CIITA: variants seen among roughly 807,000 people sequenced by gnomAD.
CIITA encodes class II major histocompatibility complex transactivator.
Under a neutral mutation model 115.1 loss-of-function variants are expected in CIITA, and 72 were observed. The observed-to-expected ratio is 0.63, with a 90% CI of 0.52 to 0.76. CIITA has a LOEUF of 0.76. Ranked by LOEUF, CIITA falls within the 30% of genes least tolerant of loss-of-function variation. CIITA has a pLI of 0.00. For synonymous variants in CIITA, 763 were observed against 635.6 expected (o/e 1.20, Z -3.02); for missense variants, 1,617 against 1,463.8 (o/e 1.10, Z -1.71).
intron 1 of CIITA, among the ~76,000 whole-genome samples, chr16:10,887,110 T>C (rs1469990444): frequency 6.6e-6 from 1 of 152,146 alleles, no homozygotes; most frequent in Non-Finnish European, 1.5e-5. Flanking sequence ...CGGAACTCAT[T>C]TGAGCTACTA....
At chr16:10,876,603 A>T (rs112570741), upstream of CIITA, among the ~76,000 whole-genome samples, 221 of 152,348 alleles carry the variant, frequency 1.5e-3, 3 homozygotes, top group African/African-American at 5.0e-3. Context: ...TATGGGAGTC[A>T]GTATTATTTA....
intron 3 of CIITA, among the ~76,000 whole-genome samples, chr16:10,897,238 A>G (rs2038221869): frequency 6.6e-6 from 1 of 152,204 alleles, no homozygotes; most frequent in East Asian, 1.9e-4. Flanking sequence ...GGGCCTTCTT[A>G]CTGGTGAGGA....
chr16:10,893,498 A>C (rs918219259), intron 1 of CIITA, among the ~76,000 whole-genome samples: 1 of 152,166 alleles, frequency 6.6e-6, no homozygotes. Context: ...CTTTATTGAG[A>C]TGTAATTCAC....
rs369821977 is a variant in CIITA at position 10,920,444 on chromosome 16, G to A, written c.3150-1723G>A. ...GTGTTTTCAGTAGAGACAGGGCTTC[G>A]CCATGTGGCCCAGACTGGTCTTGAA... On this transcript the variant is annotated intron_variant, in intron 16 of 19. Transcript: ENST00000324288. The surrounding 1 kb of genome is among the most constrained non-coding windows in gnomAD (Gnocchi z 4.5). Among the ~76,000 whole-genome samples, 1 of 152,102 alleles carries A rather than the reference G, an allele frequency of 6.6e-6. No individual in the cohort carries two copies. The highest frequency in any genetic ancestry group is 2.1e-4 in the South Asian group (1 of 4,826).
chr16:10,895,710 C>A lies in CIITA; in HGVS notation c.241C>A (p.Leu81Met). 6.2e-7 allele frequency: 1 copy of A among 1,614,146 alleles called. No individual in the cohort carries two copies. The highest frequency in any genetic ancestry group is 1.6e-4 in the Middle Eastern group (1 of 6,062). ...CATCAACTGCGACCAGTTCAGCAGG[C>A]TGTTGTGTGACATGGAAGGTGATGA... ...DTINCDQFSR[L>M]LCDMEGDEET... Residue 81 changes from leucine to methionine, a missense_variant, in exon 3 of 20, where the codon CTG becomes ATG. Physicochemically the swap from Leu to Met is conservative, Grantham distance 15 (BLOSUM62 2). Transcript: ENST00000324288.
intron 8 of CIITA, among the ~76,000 whole-genome samples, 158 bp from the exon 9 acceptor site, chr16:10,903,573 T>C (rs2038933804): frequency 6.6e-6 from 1 of 152,232 alleles, no homozygotes; most frequent in African/African-American, 2.4e-5. Context: ...CAGAGCTCTT[T>C]CTTCAGCTCT....
At chr16:10,916,236 C>T in intron 14 of CIITA, 131 bp from the exon 15 acceptor site, 1 of 806,406 alleles carries the variant, frequency 1.2e-6, no homozygotes, top group Non-Finnish European at 2.1e-6. Context: ...AATGTGCCGG[C>T]TGCCTATGGT....
rs555413000 is a variant in CIITA at position 10,923,164 on chromosome 16, T to C, written c.3318-64T>C. On this transcript the variant is annotated intron_variant, in intron 18 of 19. Transcript: ENST00000324288. The surrounding 1 kb of genome is among the most constrained non-coding windows in gnomAD (Gnocchi z 5.2). ...GGAAGGAGGGATTTGGGGGCAGCTG[T>C]CACTGGGGCCCCAGGCCGCCCTCTC... 1.6e-4 allele frequency: 233 copies of C among 1,421,374 alleles called. 2 individuals carry two copies. In the South Asian group the frequency reaches 2.5e-3, roughly 15 times the overall value. 88.0% of individuals were successfully genotyped at this position (1,421,374 alleles called of 1,614,324 possible).
rs1567397714 is a variant in CIITA at position 10,898,946 on chromosome 16, T to C, written c.380T>C (p.Val127Ala). The C allele has an allele frequency of 6.2e-6, 10 of 1,613,894 alleles. No individual in the cohort carries two copies. The highest frequency in any genetic ancestry group is 8.5e-6 in the Non-Finnish European group (10 of 1,179,954). The change falls in exon 5 of 20, where the codon GTG becomes GCG. Residue 127 changes from valine (V) to alanine (A), a missense_variant. Transcript: ENST00000324288. ...DIFKHIGPDEVIGESMEMPAE... is the reference protein window; with the variant it reads ...DIFKHIGPDEAIGESMEMPAE... Reference sequence around the variant, plus strand: ...GTAGAGCACATAGGACCAGATGAAGTGATCGGTGAGAGTATGGAGATGCCA... The same window carrying C: ...GTAGAGCACATAGGACCAGATGAAGCGATCGGTGAGAGTATGGAGATGCCA...
chr16:10,900,585 C>CA (rs1485439197), intron 5 of CIITA, among the ~76,000 whole-genome samples: 1 of 151,544 alleles, frequency 6.6e-6, no homozygotes, highest in East Asian at 1.9e-4. Context: ...ACTAAAAATA[C>CA]AAAAATTAGC....
Position 10,929,298 on chromosome 16 carries a change from G to GCGCTC in CIITA, c.*5446_*5450dup. ...CGAAGGTGAAGTGGGGGAAGCAGGT[G>GCGCTC]CGCTCCGGGATGAAGTGCAGGGAGG... is the stretch of plus-strand genomic sequence containing the variant. On this transcript the variant is annotated 3_prime_UTR_variant, in exon 20 of 20. Coordinates refer to ENST00000324288, the MANE Select transcript of CIITA (RefSeq NM_000246.4). This position sits in a 1 kb window ranked among gnomAD's most constrained non-coding sequence, Gnocchi z 4.3. 1.0e-6 allele frequency: 1 copy of GCGCTC among 985,988 alleles called. No individual in the cohort carries two copies. The highest frequency in any genetic ancestry group is 1.2e-6 in the Non-Finnish European group (1 of 829,986). The allele number at this position is 985,988 out of a possible 1,614,324, so 61.1% of individuals were successfully genotyped here. A position where few individuals can be genotyped will look rare whatever the true frequency, so the allele number is the denominator to read the frequency against.
intron 1 of CIITA, among the ~76,000 whole-genome samples, chr16:10,889,421 T>C (rs897838618): frequency 3.3e-5 from 5 of 152,184 alleles, no homozygotes; most frequent in Non-Finnish European, 5.9e-5. Context: ...TCTAATGTAA[T>C]GGGCTTCCTT....
In CIITA at chr16:10,920,751, G is replaced by C. The variant is rs562552087; in HGVS notation, c.3150-1416G>C. On this transcript the variant is annotated intron_variant, in intron 16 of 19. Coordinates refer to ENST00000324288, the MANE Select transcript of CIITA (RefSeq NM_000246.4). The surrounding 1 kb of genome is among the most constrained non-coding windows in gnomAD (Gnocchi z 4.5). ...TACTCTCCCTGTGGGGTGGAGGAAG[G>C]GTCTCCAGGGTTCAGAGATTGCAAA... 6.6e-6 allele frequency among the ~76,000 whole-genome samples: 1 copy of C among 152,324 alleles called. No homozygotes were observed. Among genetic ancestry groups the C allele is most frequent in the East Asian group, 1.9e-4 (1 of 5,186 alleles).
chr16:10,922,672 C>A (rs1346705095), intron 18 of CIITA, among the ~76,000 whole-genome samples, 182 bp downstream of exon 18: 1 of 152,192 alleles, frequency 6.6e-6, no homozygotes, highest in African/African-American at 2.4e-5. Flanking sequence ...TAATATCCAC[C>A]CAAGAGGTTT....
chr16:10,929,523 C>A lies in CIITA; in HGVS notation c.*5668C>A. On this transcript the variant is annotated 3_prime_UTR_variant, in exon 20 of 20. Coordinates refer to ENST00000324288, the MANE Select transcript of CIITA (RefSeq NM_000246.4). This position sits in a 1 kb window ranked among gnomAD's most constrained non-coding sequence, Gnocchi z 4.3. ...CCACTCTCCTGGGTTCAAACAGGAA[C>A]CTCTCTGTTGGCACGAAGCTTTTGA... 6.1e-6 allele frequency: 6 copies of A among 985,578 alleles called. No individual in the cohort carries two copies. The highest frequency in any genetic ancestry group is 7.2e-6 in the Non-Finnish European group (6 of 829,968). The allele number at this position is 985,578 out of a possible 1,614,324, so 61.1% of individuals were successfully genotyped here.
At position 10,901,898 on chromosome 16, in the gene CIITA, C is replaced by A. The variant is rs1596531208; in HGVS notation, c.482-140C>A. ...TGCCTGGCACAGAGCAGTTGCTGAT[C>A]AACACAGCTGCAGCCAGGGCTGAGA... On this transcript the variant is annotated intron_variant, in intron 6 of 19. Coordinates refer to ENST00000324288, the MANE Select transcript of CIITA (RefSeq NM_000246.4). The surrounding 1 kb of genome is among the most constrained non-coding windows in gnomAD (Gnocchi z 6.8). 1 of 1,245,772 alleles carries A rather than the reference C, an allele frequency of 8.0e-7. No individual in the cohort carries two copies. The highest frequency in any genetic ancestry group is 2.3e-5 in the East Asian group (1 of 43,214). 77.2% of individuals were successfully genotyped at this position (1,245,772 alleles called of 1,614,324 possible).
chr16:10,891,227 G>A (rs58622756), intron 1 of CIITA, among the ~76,000 whole-genome samples: 1 of 148,764 alleles, frequency 6.7e-6, no homozygotes, highest in Non-Finnish European at 1.5e-5. Context: ...ATTTCATTGG[G>A]AACATTTTGA....
chr16:10,915,627 C>G lies in CIITA; in HGVS notation c.2946C>G (p.Ala982=), dbSNP rs1219747564. 1 of 1,614,144 alleles carries G rather than the reference C, an allele frequency of 6.2e-7. No homozygotes were observed. Among genetic ancestry groups the G allele is most frequent in the Non-Finnish European group, 8.5e-7 (1 of 1,180,000 alleles). Residue 982 remains alanine (A), a synonymous_variant, in exon 14 of 20, where the codon GCC becomes GCG. Transcript: ENST00000324288. ...AFPKLVRILT[A]FSSLQHLDLD... ...CCAAACTGGTGCGGATCCTCACGGC[C>G]TTTTCCTCCCTGCAGCATCTGGAGT...
chr16:10,904,271 G>T (rs1243287895), intron 9 of CIITA, among the ~76,000 whole-genome samples: 1 of 152,134 alleles, frequency 6.6e-6, no homozygotes, highest in African/African-American at 2.4e-5. Context: ...GCCCAGGCTA[G>T]AGTGCAGTGG....
Sources: allele counts gnomAD v4.1 joint callset (sites outside exome capture counted in the v4.1 genomes callset), GRCh38; gene constraint gnomAD v4.1.1; non-coding constraint Gnocchi (gnomAD v3.1); transcripts MANE v1.5; gene names NCBI Gene and HGNC (gene_info 2026-07-23, HGNC 2026-07-21).